The following CA10 variants were observed in gnomAD, a reference collection of about 807,000 sequenced individuals.
CA10 encodes the protein carbonic anhydrase-related protein 10.
In CA10, 14 loss-of-function variants were observed where a neutral mutation model predicts 44.2. The ratio of observed to expected loss-of-function variants is 0.32; its 90% CI spans 0.21 to 0.50. CA10 has a LOEUF of 0.50. Among genes scored for constraint, CA10 ranks in the 20% least tolerant of loss-of-function variants. CA10 has a pLI of 0.99. For missense variants in CA10, 350 were observed against 409.7 expected (o/e 0.85, Z 1.26); for synonymous variants, 159 against 141.6 (o/e 1.12, Z -0.87).
chr17:51,723,116 C>G (rs556206876), intron 4 of CA10, among the ~76,000 whole-genome samples: 3 of 152,188 alleles, frequency 2.0e-5, no homozygotes, highest in Non-Finnish European at 2.9e-5. Context: ...TTTCAAGATG[C>G]TGCCTGCTTC....
intron 2 of CA10, among the ~76,000 whole-genome samples, chr17:52,043,145 G>T (rs1182362263): frequency 6.6e-6 from 1 of 152,030 alleles, no homozygotes; most frequent in Non-Finnish European, 1.5e-5. Flanking sequence ...CACTGGAATT[G>T]TGTTGAATCT....
chr17:51,867,596 G>GTTGGT, intron 3 of CA10, among the ~76,000 whole-genome samples: 1 of 152,340 alleles, frequency 6.6e-6, no homozygotes, highest in Admixed American at 6.5e-5. Flanking sequence ...CACACAGCCA[G>GTTGGT]TGCTAAAACA....
intron 3 of CA10, among the ~76,000 whole-genome samples, chr17:51,832,835 G>A (rs1488144424): frequency 5.3e-5 from 8 of 152,280 alleles, no homozygotes; most frequent in East Asian, 3.9e-4. Flanking sequence ...TATAAGCTAC[G>A]CAACAGTGAA....
At chr17:52,143,614 TG>T (rs1989526182) in intron 1 of CA10, among the ~76,000 whole-genome samples, 1 of 152,202 alleles carries the variant, frequency 6.6e-6, no homozygotes, top group African/African-American at 2.4e-5. Flanking sequence ...GAAGGTTCCA[TG>T]TACTTAAAGC....
chr17:51,807,791 T>A (rs1345154009), intron 3 of CA10, among the ~76,000 whole-genome samples: 1 of 152,204 alleles, frequency 6.6e-6, no homozygotes, highest in Non-Finnish European at 1.5e-5. Flanking sequence ...TGATTTCACT[T>A]ATGTGAAATT....
chr17:51,817,737 A>G (rs903580630), intron 3 of CA10, among the ~76,000 whole-genome samples: 5 of 152,188 alleles, frequency 3.3e-5, no homozygotes, highest in African/African-American at 9.7e-5. Context: ...TTTGTCCCAT[A>G]TCTTTGCAGT....
chr17:51,897,081 C>A (rs1228623995), intron 3 of CA10, among the ~76,000 whole-genome samples: 1 of 152,092 alleles, frequency 6.6e-6, no homozygotes, highest in East Asian at 1.9e-4. Context: ...TTAATTATAT[C>A]TGACTTGTCA....
intron 4 of CA10, among the ~76,000 whole-genome samples, chr17:51,737,041 G>A (rs1359005417): frequency 6.6e-6 from 1 of 152,124 alleles, no homozygotes; most frequent in African/African-American, 2.4e-5. Context: ...ACACAATCAG[G>A]CACTTATGAT....
intron 1 of CA10, among the ~76,000 whole-genome samples, chr17:52,155,631 T>C (rs1019498103): frequency 1.1e-4 from 17 of 152,180 alleles, no homozygotes; most frequent in Non-Finnish European, 2.4e-4. Context: ...AGTTTATGGA[T>C]GTGTAAAATA....
chr17:51,968,841 A>G (rs1394920296), intron 2 of CA10, among the ~76,000 whole-genome samples: 1 of 151,996 alleles, frequency 6.6e-6, no homozygotes, highest in Non-Finnish European at 1.5e-5. Context: ...TTAGGAAAAA[A>G]TGATTTACTC....
chr17:51,894,224 GC>G (rs1567876023), intron 3 of CA10, among the ~76,000 whole-genome samples: 1 of 152,066 alleles, frequency 6.6e-6, no homozygotes, highest in East Asian at 1.9e-4. Flanking sequence ...AGATCAGGGG[GC>G]AGAGAAAGGT....
At chr17:52,052,572 T>C (rs1201920122) in intron 2 of CA10, among the ~76,000 whole-genome samples, 1 of 152,118 alleles carries the variant, frequency 6.6e-6, no homozygotes, top group Non-Finnish European at 1.5e-5. Flanking sequence ...CAAGTGGTAC[T>C]TGTAAGACCA....
intron 2 of CA10, among the ~76,000 whole-genome samples, chr17:52,060,629 A>G (rs1042512643): frequency 9.9e-5 from 15 of 152,178 alleles, no homozygotes; most frequent in African/African-American, 3.6e-4. Context: ...ATGATATCCA[A>G]ATGCTAGATC....
At chr17:51,654,474 A>C (rs1913709185) in intron 4 of CA10, among the ~76,000 whole-genome samples, 1 of 152,148 alleles carries the variant, frequency 6.6e-6, no homozygotes, top group African/African-American at 2.4e-5. Context: ...CCTCTGAAAA[A>C]TGGATATGAT....
chr17:51,977,227 G>GA (rs958043258), intron 2 of CA10, among the ~76,000 whole-genome samples: 7 of 151,276 alleles, frequency 4.6e-5, no homozygotes, highest in African/African-American at 1.2e-4. Flanking sequence ...AGACAAAGGG[G>GA]AAAAAAACCC....
intron 2 of CA10, among the ~76,000 whole-genome samples, chr17:52,038,086 A>G (rs1986668508): frequency 6.6e-6 from 1 of 152,184 alleles, no homozygotes; most frequent in South Asian, 2.1e-4. Context: ...GTCAATAAAC[A>G]GTATTGAAAG....
chr17:51,855,140 CA>C (rs763947444), intron 3 of CA10, among the ~76,000 whole-genome samples: 8 of 152,104 alleles, frequency 5.3e-5, no homozygotes, highest in Non-Finnish European at 7.3e-5. Flanking sequence ...GTTACACTGG[CA>C]AAATTACTTT....
intron 6 of CA10, among the ~76,000 whole-genome samples, chr17:51,641,151 GCTCTCTCTCTCTCTCCT>G (rs1428327999): frequency 1.4e-5 from 2 of 143,816 alleles, no homozygotes; most frequent in African/African-American, 5.1e-5. Flanking sequence ...CTCTCTCTCA[GCTCTCTCTCTCTCTCCT>G]CTCTCTCTCT....
At chr17:51,982,740 AC>A (rs1260270535) in intron 2 of CA10, among the ~76,000 whole-genome samples, 1 of 151,838 alleles carries the variant, frequency 6.6e-6, no homozygotes, top group Non-Finnish European at 1.5e-5. Context: ...TACATCATCA[AC>A]TTTAGGTATT....
Sources: gnomAD v4.1 joint callset for allele counts (sites outside exome capture counted in the v4.1 genomes callset) on GRCh38, gnomAD v4.1.1 for gene constraint, MANE v1.5 for transcripts, NCBI Gene and HGNC (gene_info 2026-07-23, HGNC 2026-07-21) for gene names.